CUL5: variants seen among roughly 807,000 people sequenced by gnomAD.
The protein encoded by CUL5 is cullin 5, also known as cullin-5.
CUL5 carries 26 observed loss-of-function variants against 108.8 expected under a neutral mutation model. That is an observed-to-expected ratio of 0.24 (90% CI 0.18 to 0.33). CUL5 has a LOEUF of 0.33. Ranked by LOEUF, CUL5 falls within the 10% of genes least tolerant of loss-of-function variation. The pLI is 1.00. For missense variants in CUL5, 524 were observed against 909.2 expected (o/e 0.58, Z 5.45); for synonymous variants, 334 against 298.0 (o/e 1.12, Z -1.25).
At chr11:108,102,697 A>G (rs1267398984) in intron 18 of CUL5, among the ~76,000 whole-genome samples, 3 of 152,294 alleles carry the variant, frequency 2.0e-5, no homozygotes, top group Admixed American at 6.5e-5. Context: ...CTGACTCCCA[A>G]GTCTGTTGAT....
At chr11:108,019,606 C>T (rs910073329) in intron 1 of CUL5, among the ~76,000 whole-genome samples, 3 of 152,156 alleles carry the variant, frequency 2.0e-5, no homozygotes, top group Middle Eastern at 3.2e-3. Flanking sequence ...TGCAATAACA[C>T]ATCACTCGTG....
At chr11:108,036,067 G>C (rs577450969) in intron 2 of CUL5, among the ~76,000 whole-genome samples, 1 of 152,160 alleles carries the variant, frequency 6.6e-6, no homozygotes, top group Non-Finnish European at 1.5e-5. Context: ...TGCACATCAG[G>C]CTGGAAAATC....
intron 1 of CUL5, among the ~76,000 whole-genome samples, chr11:108,011,551 G>C (rs1862057451): frequency 6.6e-6 from 1 of 152,088 alleles, no homozygotes; most frequent in African/African-American, 2.4e-5. Flanking sequence ...AGTGACTCTA[G>C]TGAACTTTCT....
At chr11:108,046,047 TAGC>T (rs1209205468) in intron 2 of CUL5, among the ~76,000 whole-genome samples, 1 of 152,138 alleles carries the variant, frequency 6.6e-6, no homozygotes, top group Non-Finnish European at 1.5e-5. Context: ...ATGTGGTAAG[TAGC>T]AGAGAATTAA....
intron 8 of CUL5, 76 bp downstream of exon 8, chr11:108,070,265 T>C (rs1196104671): frequency 3.9e-6 from 4 of 1,038,636 alleles, no homozygotes; most frequent in Non-Finnish European, 4.4e-6. Flanking sequence ...ACTAAGTTGC[T>C]CTTAGTTAAT....
chr11:108,104,135 G>A (rs541446384), intron 18 of CUL5, 55 bp from the exon 19 acceptor site: 3 of 1,180,650 alleles, frequency 2.5e-6, no homozygotes, highest in African/African-American at 3.1e-5. Context: ...TCAGTTTGTT[G>A]TACTTAAAAT....
At chr11:108,079,319 T>C (rs1308265768) in intron 11 of CUL5, among the ~76,000 whole-genome samples, 1 of 152,214 alleles carries the variant, frequency 6.6e-6, no homozygotes, top group Non-Finnish European at 1.5e-5. Flanking sequence ...TTGGCCAGGC[T>C]GGTCTTGAAC....
At chr11:108,009,414 CG>C (rs1862002511) in intron 1 of CUL5, 42 bp downstream of exon 1, 4 of 1,609,850 alleles carry the variant, frequency 2.5e-6, no homozygotes, top group Non-Finnish European at 3.4e-6. Context: ...GTGTGGCCGC[CG>C]GGTTCGGCTC....
intron 11 of CUL5, among the ~76,000 whole-genome samples, chr11:108,079,386 G>A (rs1367172766): frequency 2.6e-5 from 4 of 152,108 alleles, no homozygotes; most frequent in Middle Eastern, 3.2e-3. Context: ...GATTACAGGC[G>A]TGAGCCACCG....
In CUL5 at chr11:108,038,794, G is replaced by A. The variant is rs528819496; in HGVS notation, c.134+4883G>A. Among the ~76,000 whole-genome samples, 4 of 152,026 alleles carry A rather than the reference G, an allele frequency of 2.6e-5. No individual in the cohort carries two copies. The East Asian group carries it at 7.7e-4, about 29-fold the overall frequency. ...ATAATTAAAACCCTTGTAAATTTTA[G>A]CCATATTTTGGCCATGTTAATCGTT... On this transcript the variant is annotated intron_variant, in intron 2 of 18. Coordinates refer to ENST00000393094, the MANE Select transcript of CUL5 (RefSeq NM_003478.6).
At chr11:108,082,523 C>T (rs1864116089) in intron 11 of CUL5, among the ~76,000 whole-genome samples, 1 of 152,042 alleles carries the variant, frequency 6.6e-6, no homozygotes, top group Non-Finnish European at 1.5e-5. Context: ...GTGGTTCTCC[C>T]ACCTTAGCCC....
intron 1 of CUL5, among the ~76,000 whole-genome samples, chr11:108,021,773 C>T (rs189056510): frequency 6.6e-6 from 1 of 152,136 alleles, no homozygotes; most frequent in African/African-American, 2.4e-5. Flanking sequence ...GCCTTGACCT[C>T]CCACAGTAAT....
chr11:108,073,567 A>T, intron 10 of CUL5, 70 bp downstream of exon 10: 3 of 626,046 alleles, frequency 4.8e-6, no homozygotes, highest in Non-Finnish European at 7.7e-6. Flanking sequence ...CTAATAATCA[A>T]TTTGCATTAT....
In CUL5 at chr11:108,092,142, C is replaced by CA. The variant is rs942368064; in HGVS notation, c.1444-2241dup. ...ACAGAGTGAGACCCTTTCTCAAAAA[C>CA]AAAAAAAACACAAAGAGATACTACT... On this transcript the variant is annotated intron_variant, in intron 13 of 18. Transcript: ENST00000393094. Among the ~76,000 whole-genome samples the CA allele has an allele frequency of 2.6e-4, 39 of 150,990 alleles. 1 individual carries two copies. Among genetic ancestry groups the CA allele is most frequent in the African/African-American group, 4.1e-4 (17 of 41,194 alleles).
intron 8 of CUL5, among the ~76,000 whole-genome samples, chr11:108,071,829 C>G (rs973202137): frequency 6.6e-6 from 1 of 152,070 alleles, no homozygotes; most frequent in African/African-American, 2.4e-5. Context: ...GCTGGAGTTA[C>G]AAGCGTGAAC....
chr11:108,034,660 A>G (rs1862684029), intron 2 of CUL5, among the ~76,000 whole-genome samples: 2 of 152,170 alleles, frequency 1.3e-5, no homozygotes, highest in South Asian at 2.1e-4. Context: ...AGCTTTCAGG[A>G]CTAGTTGTGA....
rs1458948755 is a variant in CUL5 at position 108,044,854 on chromosome 11, C to T, written c.135-1416C>T. ...TTGGCTCACTGCAACCTCCGCCTCCCGGGTTCAAGTGATTCTCATGCTTCA... is the reference window on the plus strand; with the variant it reads ...TTGGCTCACTGCAACCTCCGCCTCCTGGGTTCAAGTGATTCTCATGCTTCA... On this transcript the variant is annotated intron_variant, in intron 2 of 18. Coordinates refer to ENST00000393094, the MANE Select transcript of CUL5 (RefSeq NM_003478.6). 3.9e-5 allele frequency among the ~76,000 whole-genome samples: 6 copies of T among 152,052 alleles called. No individual in the cohort carries two copies. In the East Asian group the frequency reaches 9.7e-4, roughly 24 times the overall value.
At chr11:108,029,019 T>G (rs777097073) in intron 1 of CUL5, among the ~76,000 whole-genome samples, 6 of 152,208 alleles carry the variant, frequency 3.9e-5, no homozygotes, top group Non-Finnish European at 8.8e-5. Flanking sequence ...TACTTTGCTC[T>G]ACCTTGAATA....
chr11:108,040,306 C>T (rs571725743), intron 2 of CUL5, among the ~76,000 whole-genome samples: 1 of 151,924 alleles, frequency 6.6e-6, no homozygotes, highest in Non-Finnish European at 1.5e-5. Flanking sequence ...CAGTGAGATT[C>T]CATTTCTACA....
Sources: gnomAD v4.1 joint callset for allele counts (sites outside exome capture counted in the v4.1 genomes callset) on GRCh38, gnomAD v4.1.1 for gene constraint, MANE v1.5 for transcripts, NCBI Gene and HGNC (gene_info 2026-07-23, HGNC 2026-07-21) for gene names.